Variants in REG1A observed in about 807,000 individuals in gnomAD.
The protein encoded by REG1A is lithostathine-1-alpha.
Under a neutral mutation model 20.7 loss-of-function variants are expected in REG1A, and 20 were observed. That is an observed-to-expected ratio of 0.97 (90% CI 0.68 to 1.41). The LOEUF (loss-of-function observed/expected upper bound fraction) is 1.41. Ranked by LOEUF, REG1A falls within the 40% of genes most tolerant of loss-of-function variation. REG1A has a pLI of 0.00. For missense variants in REG1A, 193 were observed against 201.8 expected (o/e 0.96, Z 0.26); for synonymous variants, 90 against 71.6 (o/e 1.26, Z -1.30).
chr2:79,120,583 C>G (rs1037540526), intron 1 of REG1A, 69 bp downstream of exon 1: 23 of 347,786 alleles, frequency 6.6e-5, no homozygotes, highest in Non-Finnish European at 1.1e-4. Context: ...CGGGAAGATA[C>G]AGCATGAGTT....
chr2:79,120,560 G>C, intron 1 of REG1A, 46 bp downstream of exon 1: 1 of 303,454 alleles, frequency 3.3e-6, no homozygotes, highest in Non-Finnish European at 6.0e-6. Context: ...ATGCACTGTA[G>C]ATCTAAAATC....
chr2:79,120,774 C>T (rs1378816816), intron 1 of REG1A, 42 bp from the exon 2 acceptor site: 4 of 1,039,728 alleles, frequency 3.8e-6, no homozygotes, highest in Admixed American at 2.4e-5. Context: ...AGGTGCTTTG[C>T]TCTCCATCTC....
Sources: gnomAD v4.1 joint callset for allele counts on GRCh38, gnomAD v4.1.1 for gene constraint, MANE v1.5 for transcripts, NCBI Gene and HGNC (gene_info 2026-07-23, HGNC 2026-07-21) for gene names.